Variants in NTN1 observed in about 807,000 individuals in gnomAD.
NTN1 encodes the protein netrin 1.
NTN1 carries 11 observed loss-of-function variants against 54.2 expected under a neutral mutation model. That is an observed-to-expected ratio of 0.20 (90% CI 0.13 to 0.34). NTN1 has a LOEUF of 0.34. Among genes scored for constraint, NTN1 ranks in the 10% least tolerant of loss-of-function variants. The probability of loss-of-function intolerance (pLI) is 1.00; values close to 1 mark genes in which losing one functional copy is unlikely to be tolerated. For missense variants in NTN1, 740 were observed against 893.1 expected, an observed-to-expected ratio of 0.83 and a Z score of 2.18; for synonymous variants, 371 against 382.0, an observed-to-expected ratio of 0.97 and a Z score of 0.33.
intron 5 of NTN1, among the ~76,000 whole-genome samples, chr17:9,191,726 C>T (rs1004801379): frequency 1.3e-5 from 2 of 151,862 alleles, no homozygotes; most frequent in Non-Finnish European, 2.9e-5. Flanking sequence ...AACAAGAATA[C>T]TCTTTTAAAA....
chr17:9,048,295 G>A (rs1453584879), intron 2 of NTN1, among the ~76,000 whole-genome samples: 1 of 142,788 alleles, frequency 7.0e-6, no homozygotes, highest in Non-Finnish European at 1.5e-5. Flanking sequence ...TCAATGAGCA[G>A]TAATATTTTG....
At chr17:9,175,741 AGGACCGCGT>A (rs1241182917) in intron 3 of NTN1, 2 of 152,222 alleles carry the variant, frequency 1.3e-5, no homozygotes, top group Non-Finnish European at 2.9e-5. Context: ...ACCCAGAGCA[AGGACCGCGT>A]GGGTTCTCTG....
At chr17:9,169,757 C>T (rs1337419370) in intron 3 of NTN1, among the ~76,000 whole-genome samples, 5 of 152,206 alleles carry the variant, frequency 3.3e-5, no homozygotes, top group East Asian at 1.9e-4. Context: ...CCCAGCTACT[C>T]GGGAGGCTGA....
At chr17:9,027,042 T>C (rs1196055083) in intron 2 of NTN1, among the ~76,000 whole-genome samples, 2 of 152,096 alleles carry the variant, frequency 1.3e-5, no homozygotes, top group Non-Finnish European at 2.9e-5. Flanking sequence ...GATGTCCTCA[T>C]GCTGTCAATA....
At chr17:9,013,517 G>A in the NTN1 span, among the ~76,000 whole-genome samples, 1 of 152,030 alleles carries the variant, frequency 6.6e-6, no homozygotes, top group Admixed American at 6.5e-5. Context: ...CGCCCGGCCA[G>A]TAATATTTTT....
At chr17:9,063,349 C>T (rs532045163) in intron 2 of NTN1, among the ~76,000 whole-genome samples, 24 of 152,260 alleles carry the variant, frequency 1.6e-4, no homozygotes, top group Non-Finnish European at 3.1e-4. Flanking sequence ...CCACCCACCT[C>T]GGCCTCCCAA....
At chr17:9,018,227 C>T (rs988983398), upstream of NTN1, among the ~76,000 whole-genome samples, 8 of 152,120 alleles carry the variant, frequency 5.3e-5, no homozygotes, top group Admixed American at 2.0e-4. Context: ...AAGGTGACCC[C>T]GCTCATCCTC....
At chr17:9,210,444 CCACACACACA>C (rs71135952) in intron 5 of NTN1, among the ~76,000 whole-genome samples, 3 of 100,890 alleles carry the variant, frequency 3.0e-5, no homozygotes, top group Non-Finnish European at 4.6e-5. Context: ...ACCCCCACAC[CCACACACACA>C]CACACACACA....
intron 2 of NTN1, among the ~76,000 whole-genome samples, chr17:9,114,013 T>G (rs1251489141): frequency 6.6e-6 from 1 of 150,806 alleles, no homozygotes; most frequent in Non-Finnish European, 1.5e-5. Flanking sequence ...AATACAAAAA[T>G]TAGCCGGGCA....
intron 2 of NTN1, among the ~76,000 whole-genome samples, chr17:9,110,839 T>G (rs2092187790): frequency 6.6e-6 from 1 of 152,074 alleles, no homozygotes. Flanking sequence ...TCTGCCTCTC[T>G]GCCTCTGTCT....
chr17:9,172,403 C>G (rs1016572610), intron 3 of NTN1, among the ~76,000 whole-genome samples: 5 of 151,908 alleles, frequency 3.3e-5, no homozygotes, highest in African/African-American at 1.2e-4. Flanking sequence ...TGGCGTGACC[C>G]GGGAGGCGGA....
intron 2 of NTN1, among the ~76,000 whole-genome samples, chr17:9,139,546 C>T (rs2092291268): frequency 1.3e-5 from 2 of 152,192 alleles, no homozygotes; most frequent in Admixed American, 6.5e-5. Context: ...ATGATTTCCT[C>T]ATCATCTCCA....
upstream of NTN1, among the ~76,000 whole-genome samples, chr17:9,021,158 GC>G (rs930261110): frequency 1.3e-5 from 2 of 151,926 alleles, no homozygotes; most frequent in Non-Finnish European, 2.9e-5. Context: ...CCCCGCCCGC[GC>G]GCTCCCCCGG....
At chr17:9,183,575 C>G (rs2092425403) in intron 5 of NTN1, 3 of 296,412 alleles carry the variant, frequency 1.0e-5, no homozygotes, top group South Asian at 9.3e-5. Context: ...AAATATCGTT[C>G]ATGCTGGTTA....
At position 9,135,316 on chromosome 17, in the gene NTN1, C is replaced by T. The variant is rs143026483; in HGVS notation, c.1019-27497C>T. 3.9e-5 allele frequency among the ~76,000 whole-genome samples: 6 copies of T among 152,314 alleles called. No homozygotes were observed. In the East Asian group the frequency reaches 1.2e-3, roughly 29 times the overall value. On this transcript the variant is annotated intron_variant, in intron 2 of 6. Transcript: ENST00000173229. The surrounding 1 kb of genome is among the most constrained non-coding windows in gnomAD (Gnocchi z 4.4). ...GTCCCCCAGACCCAACACCTCTTTG[C>T]ACAGTCCTGAACCTGTGTCTGGCTC...
chr17:9,007,260 TTC>T, the NTN1 span, among the ~76,000 whole-genome samples: 101 of 151,096 alleles, frequency 6.7e-4, no homozygotes, highest in African/African-American at 2.2e-3. Context: ...TTCCTTCTCT[TTC>T]TCTCTTTCTT....
At chr17:9,017,666 GA>G (rs1394643829), upstream of NTN1, among the ~76,000 whole-genome samples, 1 of 152,214 alleles carries the variant, frequency 6.6e-6, no homozygotes, top group Non-Finnish European at 1.5e-5. Flanking sequence ...AACACCTGGT[GA>G]TTTGCTTTCT....
At chr17:9,023,455 C>G in intron 2 of NTN1, 64 bp downstream of exon 2, 1 of 1,332,068 alleles carries the variant, frequency 7.5e-7, no homozygotes, top group Non-Finnish European at 9.6e-7. Flanking sequence ...TGCTGGGCCT[C>G]GCAGCGGCGA....
At chr17:9,043,857 G>A (rs1312446278) in intron 2 of NTN1, among the ~76,000 whole-genome samples, 5 of 152,002 alleles carry the variant, frequency 3.3e-5, no homozygotes, top group Admixed American at 1.3e-4. Flanking sequence ...TGGGATTACA[G>A]GCGTGAACCA....
Sources: allele counts gnomAD v4.1 joint callset (sites outside exome capture counted in the v4.1 genomes callset), GRCh38; gene constraint gnomAD v4.1.1; non-coding constraint Gnocchi (gnomAD v3.1); transcripts MANE v1.5; gene names NCBI Gene and HGNC (gene_info 2026-07-23, HGNC 2026-07-21).